Variants in PFKP observed in about 807,000 individuals in gnomAD.
PFKP encodes ATP-dependent 6-phosphofructokinase, platelet type.
Under a neutral mutation model 94.3 loss-of-function variants are expected in PFKP, and 101 were observed. The ratio of observed to expected loss-of-function variants is 1.07; its 90% CI spans 0.91 to 1.26. PFKP has a LOEUF of 1.26. PFKP is among the 50% of genes most tolerant of loss of function. The pLI is 0.00. For missense variants in PFKP, 1,145 were observed against 1,103.3 expected (o/e 1.04, Z -0.53); for synonymous variants, 573 against 432.6 (o/e 1.32, Z -4.03).
Position 3,135,709 on chromosome 10 carries a change from ATTAATCTTTT to A in PFKP, c.2123-22_2123-13del. On this transcript the variant is annotated splice_polypyrimidine_tract_variant and intron_variant, in intron 20 of 21. Transcript: ENST00000381125. ...CACCTGCCCATGTTGACAGGGTGTT[ATTAATCTTTT>A]TTAAAATCTTTTATAGGAAAAAAAT... 7.1e-7 allele frequency: 1 copy of A among 1,399,572 alleles called. No individual in the cohort carries two copies. Among genetic ancestry groups the A allele is most frequent in the Non-Finnish European group, 1.0e-6 (1 of 987,790 alleles). The allele number at this position is 1,399,572 out of a possible 1,614,324, so 86.7% of individuals were successfully genotyped here.
intron 1 of PFKP, chr10:3,068,756 T>C (rs1478770802): frequency 1.1e-6 from 1 of 949,852 alleles, no homozygotes; most frequent in Admixed American, 6.2e-5. Flanking sequence ...GATCGGCGCT[T>C]CCCAGGCGAA....
chr10:3,089,177 G>T (rs1035710238), intron 2 of PFKP, among the ~76,000 whole-genome samples: 2 of 152,064 alleles, frequency 1.3e-5, no homozygotes, highest in African/African-American at 4.8e-5. Context: ...AGGTGATCCT[G>T]CCCTCCTGGG....
chr10:3,107,187 G>C (rs368297164), intron 7 of PFKP, 27 bp from the exon 8 acceptor site: 10 of 1,376,080 alleles, frequency 7.3e-6, no homozygotes, highest in African/African-American at 1.4e-5. Flanking sequence ...TTAGGAATTT[G>C]AGAGCTTTAA....
At chr10:3,089,455 A>G (rs1192864395) in intron 2 of PFKP, among the ~76,000 whole-genome samples, 1 of 151,994 alleles carries the variant, frequency 6.6e-6, no homozygotes, top group Admixed American at 6.6e-5. Context: ...TTCTCGGGGT[A>G]TATGCCCAGC....
chr10:3,100,008 G>A (rs1305954699), intron 3 of PFKP, among the ~76,000 whole-genome samples: 1 of 151,674 alleles, frequency 6.6e-6, no homozygotes, highest in African/African-American at 2.4e-5. Context: ...ATGTGTATCT[G>A]TGTGTGGGGT....
In PFKP at chr10:3,109,409, A is replaced by AC. The variant is rs1366494257; in HGVS notation, c.1022dup (p.Ala342SerfsTer63). Reference sequence around the variant, plus strand: ...CGCCTTGCTAGAGGCCACCCCGGACACCCCAGCTTGCGTCGTGTCACTGAA... The same window carrying AC: ...CGCCTTGCTAGAGGCCACCCCGGACACCCCCAGCTTGCGTCGTGTCACTGAA... On this transcript the variant is annotated frameshift_variant, in exon 10 of 22. Coordinates refer to ENST00000381125, the MANE Select transcript of PFKP (RefSeq NM_002627.5). LOFTEE classifies it high-confidence loss of function. 11 of 1,610,068 alleles carry AC rather than the reference A, an allele frequency of 6.8e-6. No homozygotes were observed. Among genetic ancestry groups the AC allele is most frequent in the Non-Finnish European group, 9.3e-6 (11 of 1,179,954 alleles).
At chr10:3,091,185 C>T (rs1383422209) in intron 2 of PFKP, among the ~76,000 whole-genome samples, 1 of 152,180 alleles carries the variant, frequency 6.6e-6, no homozygotes, top group Non-Finnish European at 1.5e-5. Context: ...TTCCTTTCTA[C>T]CTGGTGAACC....
intron 10 of PFKP, among the ~76,000 whole-genome samples, chr10:3,111,513 C>G (rs1451495348): frequency 6.6e-6 from 1 of 152,094 alleles, no homozygotes; most frequent in Non-Finnish European, 1.5e-5. Context: ...TGAAACCACC[C>G]TTGTGTGGCT....
At chr10:3,136,357 G>A in intron 21 of PFKP, 93 bp from the exon 22 acceptor site, 1 of 1,365,728 alleles carries the variant, frequency 7.3e-7, no homozygotes, top group Non-Finnish European at 1.0e-6. Context: ...CAAACCCTGT[G>A]TTTCTGGCAA....
Position 3,109,617 on chromosome 10 carries a change from G to GC in PFKP, c.1089+140dup. ...GGCCTTTCTGAGAAGGAGGTGAGCT[G>GC]CCCGTGGGGAGGGAGAAGGCTTATG... On this transcript the variant is annotated intron_variant, in intron 10 of 21. Coordinates refer to ENST00000381125, the MANE Select transcript of PFKP (RefSeq NM_002627.5). 2.8e-6 allele frequency: 3 copies of GC among 1,055,630 alleles called. No homozygotes were observed. In the South Asian group the frequency reaches 4.5e-5, roughly 16 times the overall value. The allele number at this position is 1,055,630 out of a possible 1,614,324, so 65.4% of individuals were successfully genotyped here.
At chr10:3,122,835 G>A (rs1347652224) in intron 16 of PFKP, among the ~76,000 whole-genome samples, 1 of 152,212 alleles carries the variant, frequency 6.6e-6, no homozygotes, top group Non-Finnish European at 1.5e-5. Context: ...CAACGTCCAG[G>A]GAGGTTTCTG....
chr10:3,114,139 C>A (rs1310831792), intron 13 of PFKP, among the ~76,000 whole-genome samples: 3 of 143,618 alleles, frequency 2.1e-5, no homozygotes, highest in Non-Finnish European at 3.0e-5. Flanking sequence ...CCAACAAATA[C>A]CTACTTTGTG....
chr10:3,104,407 G>A (rs192824459), intron 5 of PFKP, among the ~76,000 whole-genome samples: 25 of 152,302 alleles, frequency 1.6e-4, no homozygotes, highest in African/African-American at 3.1e-4. Flanking sequence ...GGGGCGCACC[G>A]TACAATTTCT....
intron 18 of PFKP, among the ~76,000 whole-genome samples, chr10:3,132,680 T>C (rs1838730288): frequency 6.6e-6 from 1 of 152,240 alleles, no homozygotes; most frequent in African/African-American, 2.4e-5. Context: ...ATCATTTCCC[T>C]AATTAGCACC....
intron 16 of PFKP, chr10:3,129,518 C>G (rs921330198): frequency 5.5e-6 from 2 of 361,398 alleles, no homozygotes; most frequent in Admixed American, 5.3e-5. Flanking sequence ...CTTGTGGGGT[C>G]GTCTTTTCCG....
intron 2 of PFKP, among the ~76,000 whole-genome samples, chr10:3,089,133 A>T (rs1188498628): frequency 6.6e-6 from 1 of 152,102 alleles, no homozygotes. Context: ...GGGTTTCACC[A>T]TGTTGGCCAG....
intron 2 of PFKP, among the ~76,000 whole-genome samples, chr10:3,096,059 T>C (rs773137420): frequency 1.3e-5 from 2 of 152,244 alleles, no homozygotes; most frequent in Non-Finnish European, 2.9e-5. Context: ...TGCAGAGCAG[T>C]TTTCTTACTA....
intron 16 of PFKP, among the ~76,000 whole-genome samples, chr10:3,125,887 G>GA (rs1243520868): frequency 6.6e-6 from 1 of 152,218 alleles, no homozygotes; most frequent in African/African-American, 2.4e-5. Flanking sequence ...CTTTGCTGCA[G>GA]AGACGGTCCT....
At chr10:3,113,592 GC>G in intron 13 of PFKP, 74 bp downstream of exon 13, 1 of 1,253,400 alleles carries the variant, frequency 8.0e-7, no homozygotes, top group Non-Finnish European at 1.1e-6. Context: ...GCGGGGGGGT[GC>G]CCTCCATGGC....
Sources: gnomAD v4.1 joint callset for allele counts (sites outside exome capture counted in the v4.1 genomes callset) on GRCh38, gnomAD v4.1.1 for gene constraint, MANE v1.5 for transcripts, NCBI Gene and HGNC (gene_info 2026-07-23, HGNC 2026-07-21) for gene names.